RIPK1: variants seen among roughly 807,000 people sequenced by gnomAD.
RIPK1 encodes the protein receptor interacting serine/threonine kinase 1.
Under a neutral mutation model 62.4 loss-of-function variants are expected in RIPK1, and 27 were observed. The observed-to-expected ratio is 0.43, with a 90% CI of 0.32 to 0.60. The LOEUF (loss-of-function observed/expected upper bound fraction) is 0.60. Among genes scored for constraint, RIPK1 ranks in the 20% least tolerant of loss-of-function variants. The pLI, the probability that RIPK1 is intolerant of heterozygous loss-of-function variation, is 0.07. For missense variants in RIPK1, 735 were observed against 831.0 expected, an observed-to-expected ratio of 0.88 and a Z score of 1.42; for synonymous variants, 287 against 303.2, an observed-to-expected ratio of 0.95 and a Z score of 0.55.
At chr6:3,099,551 C>A (rs530780472) in intron 7 of RIPK1, among the ~76,000 whole-genome samples, 2 of 152,136 alleles carry the variant, frequency 1.3e-5, no homozygotes, top group East Asian at 3.9e-4. Flanking sequence ...CTCAAAAAAA[C>A]AAACAAAAAA....
At chr6:3,080,403 A>T (rs1759314830) in intron 3 of RIPK1, among the ~76,000 whole-genome samples, 1 of 152,250 alleles carries the variant, frequency 6.6e-6, no homozygotes. Flanking sequence ...ATCTGCTACC[A>T]GGTCATCAAA....
chr6:3,112,011 A>C (rs1186263432), intron 10 of RIPK1, among the ~76,000 whole-genome samples: 2 of 151,956 alleles, frequency 1.3e-5, no homozygotes, highest in African/African-American at 4.8e-5. Flanking sequence ...GGATTAAGGA[A>C]TTTTTTTTGT....
intron 1 of RIPK1, among the ~76,000 whole-genome samples, chr6:3,075,725 G>A (rs140210585): frequency 0.011 from 1,607 of 152,250 alleles, 10 homozygotes; most frequent in South Asian, 0.021. Context: ...ATAACCTCAG[G>A]ATGGCATCAG....
Position 3,080,963 on chromosome 6 carries a change from A to G in RIPK1, c.322-16A>G. 1 of 1,612,042 alleles carries G rather than the reference A, an allele frequency of 6.2e-7. No homozygotes were observed. Among genetic ancestry groups the G allele is most frequent in the East Asian group, 2.2e-5 (1 of 44,848 alleles). On this transcript the variant is annotated splice_polypyrimidine_tract_variant and intron_variant, in intron 3 of 10. Coordinates refer to ENST00000259808, the MANE Select transcript of RIPK1 (RefSeq NM_001354930.2). ...ATAACCTTTCCATTTCATAGACTTA[A>G]TATCACTTGTTTTAGATGAGTACTC...
intron 7 of RIPK1, among the ~76,000 whole-genome samples, chr6:3,094,580 CATATAT>C (rs370564571): frequency 7.2e-6 from 1 of 139,304 alleles, no homozygotes; most frequent in Non-Finnish European, 1.5e-5. Context: ...ATAAATATTT[CATATAT>C]ATATATATAT....
chr6:3,112,922 A>G (rs772304897), intron 10 of RIPK1, 131 bp from the exon 11 acceptor site: 28 of 692,302 alleles, frequency 4.0e-5, no homozygotes, highest in Non-Finnish European at 5.7e-5. Flanking sequence ...CAACAGCTAT[A>G]TAACTAAGAA....
Position 3,094,575 on chromosome 6 carries a change from T to A in RIPK1, c.915+4918T>A, listed in dbSNP as rs893622240. On this transcript the variant is annotated intron_variant, in intron 7 of 10. Transcript: ENST00000259808. ...CTTAATATAACCTTAAATAAATAAA[T>A]ATTTCATATATATATATATATATAT... 4.4e-5 allele frequency among the ~76,000 whole-genome samples: 6 copies of A among 137,362 alleles called. No individual in the cohort carries two copies. The South Asian group carries it at 1.3e-3, about 31-fold the overall frequency. The allele number at this position is 137,362 out of a possible 152,430, so 90.1% of individuals were successfully genotyped here.
At position 3,076,789 on chromosome 6, in the gene RIPK1, A is replaced by C. The variant is rs1296503381; in HGVS notation, c.-35A>C. ...GGTACAGCTCTGCCGGGGGGGGAAA[A>C]AGTGGTACCATTTTGGGCGTTCTTG... On this transcript the variant is annotated 5_prime_UTR_variant, in exon 2 of 11. Coordinates refer to ENST00000259808, the MANE Select transcript of RIPK1 (RefSeq NM_001354930.2). The C allele has an allele frequency of 2.5e-6, 4 of 1,602,786 alleles. No individual in the cohort carries two copies. In the East Asian group the frequency reaches 9.1e-5, roughly 37 times the overall value.
chr6:3,080,952 T>G, intron 3 of RIPK1, 27 bp from the exon 4 acceptor site: 1 of 1,608,922 alleles, frequency 6.2e-7, no homozygotes, highest in Non-Finnish European at 8.5e-7. Context: ...CCTTTCCATT[T>G]CATAGACTTA....
At chr6:3,097,242 C>G (rs1479782924) in intron 7 of RIPK1, among the ~76,000 whole-genome samples, 3 of 152,112 alleles carry the variant, frequency 2.0e-5, no homozygotes, top group Non-Finnish European at 4.4e-5. Flanking sequence ...CAAACCTACT[C>G]TGAAATCCAT....
At chr6:3,070,946 T>C (rs1214183194) in intron 1 of RIPK1, among the ~76,000 whole-genome samples, 3 of 152,226 alleles carry the variant, frequency 2.0e-5, no homozygotes, top group African/African-American at 7.2e-5. Flanking sequence ...ATCCTACCAC[T>C]TTAGGTGAAT....
In RIPK1 at chr6:3,085,321, G is replaced by A. The variant is rs1448901116; in HGVS notation, c.751G>A (p.Asp251Asn). 1 of 1,614,210 alleles carries A rather than the reference G, an allele frequency of 6.2e-7. No homozygotes were observed. Among genetic ancestry groups the A allele is most frequent in the East Asian group, 2.2e-5 (1 of 44,890 alleles). ...IKSGNRPDVD[D>N]ITEYCPREII... Reference sequence around the variant, plus strand: ...ATCTGGGAACAGGCCAGATGTGGATGACATCACTGAGTACTGCCCAAGAGA... The same window carrying A: ...ATCTGGGAACAGGCCAGATGTGGATAACATCACTGAGTACTGCCCAAGAGA... The change falls in exon 6 of 11, where the codon GAC (aspartate) becomes AAC (asparagine). Residue 251 changes from aspartate (D) to asparagine (N), a missense_variant. Physicochemically the swap from Asp to Asn is conservative, Grantham distance 23. This residue lies in a region of RIPK1 where 671 missense variants were observed against 726.2 expected (regional missense o/e 0.92). Transcript: ENST00000259808.
At position 3,080,995 on chromosome 6, in the gene RIPK1, C is replaced by T; in HGVS notation, c.338C>T (p.Ser113Phe). ...TTGTTTTAGATGAGTACTCCGCTTT[C>T]TGTAAAAGGAAGGATAATTTTGGAA... ...VLKAEMSTPL[S>F]VKGRIILEII... Residue 113 changes from serine (S) to phenylalanine (F), a missense_variant, in exon 4 of 11, where the codon TCT becomes TTT. This residue lies in a region of RIPK1 where 671 missense variants were observed against 726.2 expected (regional missense o/e 0.92). Transcript: ENST00000259808. 6.2e-7 allele frequency: 1 copy of T among 1,613,858 alleles called. No individual in the cohort carries two copies. Among genetic ancestry groups the T allele is most frequent in the Non-Finnish European group, 8.5e-7 (1 of 1,179,856 alleles).
chr6:3,086,664 T>A (rs898182720), intron 6 of RIPK1, among the ~76,000 whole-genome samples: 1 of 152,194 alleles, frequency 6.6e-6, no homozygotes, highest in Middle Eastern at 3.2e-3. Context: ...GTATAGAACT[T>A]CCATAGCCTT....
intron 7 of RIPK1, among the ~76,000 whole-genome samples, chr6:3,096,370 T>C (rs1760292573): frequency 6.6e-6 from 1 of 151,996 alleles, no homozygotes; most frequent in Non-Finnish European, 1.5e-5. Flanking sequence ...TATATAAAAA[T>C]AAATCTTACA....
chr6:3,085,965 A>G (rs1190095539), intron 6 of RIPK1, among the ~76,000 whole-genome samples: 2 of 152,174 alleles, frequency 1.3e-5, no homozygotes, highest in Non-Finnish European at 2.9e-5. Flanking sequence ...GTATGAATGG[A>G]GTGCATTTTG....
At chr6:3,069,066 C>T (rs184353624) in intron 1 of RIPK1, among the ~76,000 whole-genome samples, 1 of 152,166 alleles carries the variant, frequency 6.6e-6, no homozygotes, top group African/African-American at 2.4e-5. Flanking sequence ...TGCCAGAGGT[C>T]GGGGCGCTGG....
At chr6:3,084,156 C>G (rs1759566688) in intron 5 of RIPK1, among the ~76,000 whole-genome samples, 1 of 148,432 alleles carries the variant, frequency 6.7e-6, no homozygotes, top group African/African-American at 2.6e-5. Flanking sequence ...CTGCTCAGTT[C>G]AAACCCTCCT....
chr6:3,112,805 T>A (rs1227933429), intron 10 of RIPK1, among the ~76,000 whole-genome samples: 2 of 152,114 alleles, frequency 1.3e-5, no homozygotes, highest in African/African-American at 2.4e-5. Flanking sequence ...TCCCAAAGTG[T>A]TGGGATTATA....
Sources: allele counts gnomAD v4.1 joint callset (sites outside exome capture counted in the v4.1 genomes callset), GRCh38; gene constraint gnomAD v4.1.1; regional missense constraint gnomAD v4.1.1; transcripts MANE v1.5; gene names NCBI Gene and HGNC (gene_info 2026-07-23, HGNC 2026-07-21).